The following PLCB1 variants were observed in gnomAD, a reference collection of about 807,000 sequenced individuals.
The protein encoded by PLCB1 is 1-phosphatidylinositol 4,5-bisphosphate phosphodiesterase beta-1.
In PLCB1, 46 loss-of-function variants were observed where a neutral mutation model predicts 161.8. The observed-to-expected ratio is 0.28, with a 90% CI of 0.22 to 0.36. The LOEUF (loss-of-function observed/expected upper bound fraction) is 0.36. Ranked by LOEUF, PLCB1 falls within the 10% of genes least tolerant of loss-of-function variation. PLCB1 has a pLI of 1.00. For missense variants in PLCB1, 1,016 were observed against 1,472.5 expected, an observed-to-expected ratio of 0.69 and a Z score of 5.07; for synonymous variants, 517 against 503.7, an observed-to-expected ratio of 1.03 and a Z score of -0.35.
chr20:8,453,519 A>T (rs1422469337), intron 3 of PLCB1, among the ~76,000 whole-genome samples: 1 of 152,184 alleles, frequency 6.6e-6, no homozygotes, highest in Non-Finnish European at 1.5e-5. Context: ...CACTTGCTAT[A>T]TGTGGGCTAC....
rs1021186440 is a variant in PLCB1, at chr20:8,180,977, G to A, written c.177+30606G>A. Among the ~76,000 whole-genome samples the A allele has an allele frequency of 2.0e-4, 31 of 151,910 alleles. 1 individual carries two copies. The highest frequency in any genetic ancestry group is 7.4e-5 in the Non-Finnish European group (5 of 67,946). On this transcript the variant is annotated intron_variant, in intron 2 of 31. Transcript: ENST00000338037. ...TGTGTGTGTGTGTGTGTGTATGTAT[G>A]TGTGCGTGTGTGTGTAAAGAAGAAT...
chr20:8,758,414 G>A (rs1019219868), intron 24 of PLCB1, among the ~76,000 whole-genome samples: 29 of 151,544 alleles, frequency 1.9e-4, no homozygotes, highest in African/African-American at 5.8e-4. Context: ...AACCCCCATC[G>A]CTACTAAAAA....
intron 31 of PLCB1, among the ~76,000 whole-genome samples, chr20:8,803,618 T>G (rs1413483721): frequency 1.3e-5 from 2 of 152,100 alleles, no homozygotes; most frequent in Non-Finnish European, 2.9e-5. Flanking sequence ...ACATATAATA[T>G]CAATTTCTGG....
At chr20:8,779,607 C>T (rs1028023630) in intron 27 of PLCB1, among the ~76,000 whole-genome samples, 3 of 150,092 alleles carry the variant, frequency 2.0e-5, no homozygotes, top group Admixed American at 1.3e-4. Context: ...AAGTGTGGGC[C>T]GTGAATCACC....
In PLCB1 at chr20:8,677,249, C is replaced by T. The variant is rs919594507; in HGVS notation, c.863-7683C>T. On this transcript the variant is annotated intron_variant, in intron 9 of 31. Transcript: ENST00000338037. ...TCTCTACTAAAAATACAAAATTAGC[C>T]GGGTGGGGTATGGTGGTGCATGCCT... is the stretch of plus-strand genomic sequence containing the variant. Among the ~76,000 whole-genome samples, 37 of 151,738 alleles carry T rather than the reference C, an allele frequency of 2.4e-4. 1 individual carries two copies. The highest frequency in any genetic ancestry group is 1.1e-3 in the Admixed American group (17 of 15,210).
intron 2 of PLCB1, among the ~76,000 whole-genome samples, chr20:8,346,256 G>C (rs1985997870): frequency 2.0e-5 from 3 of 152,058 alleles, no homozygotes; most frequent in African/African-American, 7.2e-5. Flanking sequence ...ATTTTTGCCT[G>C]CCTGTACAAC....
intron 6 of PLCB1, among the ~76,000 whole-genome samples, chr20:8,648,763 G>C (rs1989233001): frequency 6.6e-6 from 1 of 151,960 alleles, no homozygotes; most frequent in Non-Finnish European, 1.5e-5. Flanking sequence ...AACATAGTGA[G>C]ACTCTATCTT....
intron 11 of PLCB1, among the ~76,000 whole-genome samples, chr20:8,703,819 G>A (rs1389401363): frequency 1.3e-5 from 2 of 152,264 alleles, no homozygotes; most frequent in East Asian, 1.9e-4. Context: ...CTCCCTACAA[G>A]TCTAAGAGGC....
intron 2 of PLCB1, among the ~76,000 whole-genome samples, chr20:8,332,020 C>T (rs1437952755): frequency 6.6e-6 from 1 of 152,160 alleles, no homozygotes; most frequent in African/African-American, 2.4e-5. Context: ...TGATTCAAGA[C>T]CGTGAACTGG....
chr20:8,750,156 ATG>A (rs1421317364), intron 23 of PLCB1, among the ~76,000 whole-genome samples: 1 of 152,186 alleles, frequency 6.6e-6, no homozygotes, highest in Non-Finnish European at 1.5e-5. Flanking sequence ...CTGTTGACTC[ATG>A]TGAGTGCTTA....
At chr20:8,386,643 CAA>C (rs1280783148) in intron 3 of PLCB1, among the ~76,000 whole-genome samples, 1 of 152,216 alleles carries the variant, frequency 6.6e-6, no homozygotes, top group East Asian at 1.9e-4. Flanking sequence ...TAATGCCTAA[CAA>C]GAGAGTCAGC....
intron 31 of PLCB1, among the ~76,000 whole-genome samples, chr20:8,845,949 G>C (rs1372973993): frequency 6.6e-6 from 1 of 152,214 alleles, no homozygotes; most frequent in East Asian, 1.9e-4. Flanking sequence ...GAGACACACA[G>C]CAGGGGCTAT....
chr20:8,495,174 C>T lies in PLCB1; in HGVS notation c.246+123724C>T, dbSNP rs114645939. 2.9e-3 allele frequency among the ~76,000 whole-genome samples: 437 copies of T among 152,050 alleles called. 2 individuals carry two copies. Among genetic ancestry groups the T allele is most frequent in the African/African-American group, 9.6e-3 (398 of 41,478 alleles). On this transcript the variant is annotated intron_variant, in intron 3 of 31. Coordinates refer to ENST00000338037, the MANE Select transcript of PLCB1 (RefSeq NM_015192.4). ...TGGCTAGTCACCATTTTAAGCCTGT[C>T]ACTAAATGAAGTTATATTCATTTAG...
intron 25 of PLCB1, 123 bp from the exon 26 acceptor site, chr20:8,765,016 G>C: frequency 1.4e-6 from 1 of 724,446 alleles, no homozygotes; most frequent in Non-Finnish European, 2.3e-6. Context: ...CTGACATCAA[G>C]CTTTGCTCTT....
rs542720222 is a variant in PLCB1, at chr20:8,817,059, T to G, written c.3423+26798T>G. Among the ~76,000 whole-genome samples, 5 of 152,312 alleles carry G rather than the reference T, an allele frequency of 3.3e-5. No individual in the cohort carries two copies. In the South Asian group the frequency reaches 1.0e-3, roughly 32 times the overall value. On this transcript the variant is annotated intron_variant, in intron 31 of 31. Coordinates refer to ENST00000338037, the MANE Select transcript of PLCB1 (RefSeq NM_015192.4). ...TGGTTCTTAGTAGAATTACAGTGAT[T>G]CTGAAGCAATCCTGAAGTCACCTGT...
chr20:8,780,613 C>T (rs866402872), intron 27 of PLCB1, among the ~76,000 whole-genome samples: 3 of 152,282 alleles, frequency 2.0e-5, no homozygotes, highest in Middle Eastern at 3.4e-3. Context: ...GGACCCCAAA[C>T]CAACGTTAGT....
At chr20:8,483,948 A>T (rs1378313515) in intron 3 of PLCB1, among the ~76,000 whole-genome samples, 2 of 152,242 alleles carry the variant, frequency 1.3e-5, no homozygotes, top group African/African-American at 2.4e-5. Context: ...CACACATAGC[A>T]GCTAAGCTGG....
chr20:8,757,199 T>C (rs1981783170), intron 24 of PLCB1, 21 bp downstream of exon 24: 4 of 1,596,382 alleles, frequency 2.5e-6, no homozygotes, highest in Non-Finnish European at 3.4e-6. Flanking sequence ...TGGAAAGAGC[T>C]GGACAACATG....
At chr20:8,323,958 A>G (rs2122169170) in intron 2 of PLCB1, among the ~76,000 whole-genome samples, 1 of 152,298 alleles carries the variant, frequency 6.6e-6, no homozygotes, top group East Asian at 1.9e-4. Flanking sequence ...CCTTTAAAAT[A>G]TACTTATCTA....
Sources: gnomAD v4.1 joint callset for allele counts (sites outside exome capture counted in the v4.1 genomes callset) on GRCh38, gnomAD v4.1.1 for gene constraint, MANE v1.5 for transcripts, NCBI Gene and HGNC (gene_info 2026-07-23, HGNC 2026-07-21) for gene names.